RBFOX1: variants seen among roughly 807,000 people sequenced by gnomAD.
RBFOX1 encodes the protein RNA binding protein fox-1 homolog 1.
Under a neutral mutation model 57.7 loss-of-function variants are expected in RBFOX1, and 8 were observed. That is an observed-to-expected ratio of 0.14 (90% confidence interval 0.08 to 0.25). The LOEUF (loss-of-function observed/expected upper bound fraction) is 0.25, where lower values mean the gene tolerates loss of function less well. Ranked by LOEUF, RBFOX1 falls within the 10% of genes least tolerant of loss-of-function variation. RBFOX1 has a pLI of 1.00. For missense variants in RBFOX1, 611 were observed against 548.5 expected, an observed-to-expected ratio of 1.11 and a Z score of -1.14; for synonymous variants, 326 against 222.4, an observed-to-expected ratio of 1.47 and a Z score of -4.15.
chr16:7,018,919 G>A (rs1040265537), intron 3 of RBFOX1, among the ~76,000 whole-genome samples: 1 of 152,138 alleles, frequency 6.6e-6, no homozygotes, highest in Non-Finnish European at 1.5e-5. Context: ...AGGAGTTCAA[G>A]ACCAGCCTGG....
At chr16:7,192,247 C>G (rs925838100) in intron 4 of RBFOX1, among the ~76,000 whole-genome samples, 1 of 152,136 alleles carries the variant, frequency 6.6e-6, no homozygotes, top group Non-Finnish European at 1.5e-5. Context: ...CTCTTGGTAG[C>G]CTGTTGATGT....
chr16:7,223,720 A>T (rs964173501), intron 4 of RBFOX1, among the ~76,000 whole-genome samples: 2 of 151,752 alleles, frequency 1.3e-5, no homozygotes, highest in Non-Finnish European at 2.9e-5. Context: ...CAGAAAAAAA[A>T]AAAAAAAAAA....
chr16:5,869,076 G>T (rs1158708889), intron 4 of RBFOX1, among the ~76,000 whole-genome samples: 2 of 152,196 alleles, frequency 1.3e-5, no homozygotes, highest in African/African-American at 4.8e-5. Flanking sequence ...TTCAACTAAT[G>T]AGGTATAGAG....
At chr16:6,133,347 G>C (rs1380207960) in intron 1 of RBFOX1, among the ~76,000 whole-genome samples, 1 of 152,190 alleles carries the variant, frequency 6.6e-6, no homozygotes, top group Non-Finnish European at 1.5e-5. Context: ...GGCAGAGCCT[G>C]CGTTCTTCAT....
At chr16:6,936,076 G>A (rs1033110574) in intron 3 of RBFOX1, among the ~76,000 whole-genome samples, 4 of 152,260 alleles carry the variant, frequency 2.6e-5, no homozygotes, top group East Asian at 1.9e-4. Flanking sequence ...GGCTGACTGC[G>A]GGCATTTCCT....
chr16:5,451,413 G>C (rs1327602467), intron 1 of RBFOX1, among the ~76,000 whole-genome samples: 1 of 152,108 alleles, frequency 6.6e-6, no homozygotes, highest in Non-Finnish European at 1.5e-5. Flanking sequence ...ATTTATATGA[G>C]AATTTAAAAA....
intron 3 of RBFOX1, among the ~76,000 whole-genome samples, chr16:5,840,100 C>T (rs2151844508): frequency 6.6e-6 from 1 of 152,336 alleles, no homozygotes; most frequent in Middle Eastern, 3.4e-3. Flanking sequence ...TGAACACCCT[C>T]TTCCTCAATT....
chr16:6,004,157 C>T lies in RBFOX1; in HGVS notation c.351+136822C>T, dbSNP rs539146353. Among the ~76,000 whole-genome samples, 5 of 152,242 alleles carry T rather than the reference C, an allele frequency of 3.3e-5. 1 individual carries two copies. The South Asian group carries it at 1.0e-3, about 32-fold the overall frequency. ...GCACACGTTTGCCTGTGTAACAAAC[C>T]TGCACGTCTTACACATGTATCCTGA... On this transcript the variant is annotated intron_variant, in intron 4 of 19. Coordinates refer to the RBFOX1 transcript ENST00000641259.
At chr16:5,636,602 C>T (rs2048693831) in intron 3 of RBFOX1, among the ~76,000 whole-genome samples, 1 of 152,086 alleles carries the variant, frequency 6.6e-6, no homozygotes, top group Non-Finnish European at 1.5e-5. Context: ...ATGAACTGGG[C>T]AGCTACTGTG....
chr16:6,716,018 C>T (rs2064749615), intron 3 of RBFOX1, among the ~76,000 whole-genome samples: 1 of 74,030 alleles, frequency 1.4e-5, no homozygotes, highest in African/African-American at 5.8e-5. Flanking sequence ...TCACAGCCTA[C>T]ATAAAGAAGC....
chr16:7,116,473 T>C (rs1328726942), intron 4 of RBFOX1, among the ~76,000 whole-genome samples: 1 of 152,192 alleles, frequency 6.6e-6, no homozygotes, highest in African/African-American at 2.4e-5. Flanking sequence ...AACCAGTTTA[T>C]TGAAATGAGG....
At chr16:6,014,425 A>G (rs1434488342), upstream of RBFOX1, among the ~76,000 whole-genome samples, 1 of 152,226 alleles carries the variant, frequency 6.6e-6, no homozygotes, top group Non-Finnish European at 1.5e-5. Flanking sequence ...CACAAAAAAG[A>G]GACCTCATCT....
intron 2 of RBFOX1, among the ~76,000 whole-genome samples, chr16:6,518,247 C>T (rs1243057637): frequency 1.3e-5 from 2 of 152,008 alleles, no homozygotes; most frequent in Non-Finnish European, 2.9e-5. Context: ...ACACCATGTA[C>T]CATTTAAGAA....
At chr16:6,825,165 C>A (rs2091958594) in intron 3 of RBFOX1, among the ~76,000 whole-genome samples, 1 of 150,538 alleles carries the variant, frequency 6.6e-6, no homozygotes, top group African/African-American at 2.4e-5. Flanking sequence ...CTTGGCGTTG[C>A]TGGTCAGATG....
chr16:5,471,734 G>A (rs976125632), intron 2 of RBFOX1, among the ~76,000 whole-genome samples: 1 of 152,208 alleles, frequency 6.6e-6, no homozygotes, highest in African/African-American at 2.4e-5. Flanking sequence ...CCAAGCTTCA[G>A]TGGCAATAAT....
chr16:6,135,983 T>G (rs778179773), intron 1 of RBFOX1, among the ~76,000 whole-genome samples: 22 of 151,794 alleles, frequency 1.4e-4, no homozygotes, highest in Middle Eastern at 3.2e-3. Flanking sequence ...TTAGTAGAGA[T>G]GGGTTTTCAC....
chr16:6,181,332 C>A (rs2097060743), intron 1 of RBFOX1, among the ~76,000 whole-genome samples: 1 of 152,232 alleles, frequency 6.6e-6, no homozygotes, highest in East Asian at 1.9e-4. Context: ...AAGCCCTCAT[C>A]TAGAATACCA....
intron 4 of RBFOX1, among the ~76,000 whole-genome samples, chr16:7,512,621 C>T (rs1438444394): frequency 6.6e-6 from 1 of 152,192 alleles, no homozygotes; most frequent in East Asian, 1.9e-4. Context: ...TCCTTGGCTA[C>T]CATGGACTCA....
intron 3 of RBFOX1, among the ~76,000 whole-genome samples, chr16:6,769,427 T>C (rs1419965720): frequency 6.6e-6 from 1 of 152,220 alleles, no homozygotes; most frequent in Non-Finnish European, 1.5e-5. Context: ...ACATCAGGAA[T>C]ATTTTCCATG....
Sources: gnomAD v4.1 joint callset for allele counts (sites outside exome capture counted in the v4.1 genomes callset) on GRCh38, gnomAD v4.1.1 for gene constraint, MANE v1.5 for transcripts, NCBI Gene and HGNC (gene_info 2026-07-23, HGNC 2026-07-21) for gene names.